Variants in TGM2 observed in about 807,000 individuals in gnomAD.
TGM2 encodes transglutaminase 2.
A neutral mutation model predicts 75.6 loss-of-function variants in TGM2; 53 were observed. The ratio of observed to expected loss-of-function variants is 0.70; its 90% CI spans 0.56 to 0.88. TGM2 has a LOEUF of 0.88. Among genes scored for constraint, TGM2 ranks in the 40% least tolerant of loss-of-function variants. The pLI, the probability that TGM2 is intolerant of heterozygous loss-of-function variation, is 0.00. For synonymous variants in TGM2, 374 were observed against 381.1 expected (o/e 0.98, Z 0.22); for missense variants, 842 against 928.5 (o/e 0.91, Z 1.21).
chr20:38,165,426 G>A, upstream of TGM2: 1 of 614,840 alleles, frequency 1.6e-6, no homozygotes, highest in Non-Finnish European at 2.8e-6. Context: ...GAGCCCGAGG[G>A]AGGGACGGCG....
Position 38,155,839 on chromosome 20 carries a change from TGGCTCACCTG to T in TGM2, c.431_433+7del. On this transcript the variant is annotated splice_donor_variant and splice_donor_5th_base_variant and coding_sequence_variant and intron_variant, in exon 3 of 13. Coordinates refer to ENST00000361475, the MANE Select transcript of TGM2 (RefSeq NM_004613.4). LOFTEE classifies it high-confidence loss of function. ...CCCAACGCTGTGAGTGGATGGCGTG[TGGCTCACCTG>T]GGCACCAGGCGTTGAAGAGCAAAAT... 1 of 1,594,826 alleles carries T rather than the reference TGGCTCACCTG, an allele frequency of 6.3e-7. No homozygotes were observed. The highest frequency in any genetic ancestry group is 8.5e-7 in the Non-Finnish European group (1 of 1,171,566).
Position 38,131,150 on chromosome 20 carries a change from C to G in TGM2, c.1856G>C (p.Gly619Ala), listed in dbSNP as rs371812638. Residue 619 changes from glycine (G) to alanine (A), a missense_variant, in exon 12 of 13, where the codon GGC becomes GCC. Transcript: ENST00000361475. ...LQNPLPVALEGCTFTVEGAGL... is the reference protein window; with the variant it reads ...LQNPLPVALEACTFTVEGAGL... Reference sequence around the variant, plus strand: ...GGCCCCCTCCACAGTGAAGGTGCAGCCTTCCAGGGCCACAGGGAGCGGGTT... The same window carrying G: ...GGCCCCCTCCACAGTGAAGGTGCAGGCTTCCAGGGCCACAGGGAGCGGGTT... 1.2e-6 allele frequency: 2 copies of G among 1,613,792 alleles called. No individual in the cohort carries two copies. Among genetic ancestry groups the G allele is most frequent in the East Asian group, 2.2e-5 (1 of 44,876 alleles).
chr20:38,138,519 T>C (rs1466694987), intron 9 of TGM2, 134 bp from the exon 10 acceptor site: 2 of 1,531,112 alleles, frequency 1.3e-6, no homozygotes, highest in Admixed American at 1.8e-5. Flanking sequence ...TCTACATTTC[T>C]GGGCCAGAAG....
chr20:38,156,191 CCA>C, intron 2 of TGM2, 102 bp from the exon 3 acceptor site: 3 of 1,379,472 alleles, frequency 2.2e-6, no homozygotes, highest in Non-Finnish European at 2.9e-6. Flanking sequence ...CCTAGTTCTG[CCA>C]CTAACCACTG....
rs2074943421 is a variant in TGM2 at position 38,139,520 on chromosome 20, C to T, written c.1234G>A (p.Val412Met). Residue 412 changes from valine (V) to methionine (M), a missense_variant, in exon 9 of 13, where the codon GTG becomes ATG. Coordinates refer to ENST00000361475, the MANE Select transcript of TGM2 (RefSeq NM_004613.4). ...VDWIQQDDGS[V>M]HKSINRSLIV... ...AGGGAACGGTTGATGGATTTGTGCA[C>T]AGACCCATCGTCCTGCTGGATCCAG... 1 of 1,614,110 alleles carries T rather than the reference C, an allele frequency of 6.2e-7. No homozygotes were observed. The highest frequency in any genetic ancestry group is 8.5e-7 in the Non-Finnish European group (1 of 1,180,046).
upstream of TGM2, chr20:38,166,410 G>A (rs902898174): frequency 2.0e-5 from 3 of 149,614 alleles, no homozygotes; most frequent in Admixed American, 2.0e-4. Flanking sequence ...AACTTTCCAG[G>A]GACTCAGCCT....
At chr20:38,136,748 A>ATGGGGCTGCTGGGTGGTGG (rs1482648500) in intron 10 of TGM2, among the ~76,000 whole-genome samples, 4 of 149,826 alleles carry the variant, frequency 2.7e-5, no homozygotes, top group Non-Finnish European at 5.9e-5. Flanking sequence ...AGAAAGTGGG[A>ATGGGGCTGCTGGGTGGTGG]TGGGGCTGCT....
chr20:38,156,069 C>T lies in TGM2; in HGVS notation c.211G>A (p.Ala71Thr), dbSNP rs2075183197. 5 of 1,613,470 alleles carry T rather than the reference C, an allele frequency of 3.1e-6. No individual in the cohort carries two copies. The highest frequency in any genetic ancestry group is 2.7e-5 in the African/African-American group (2 of 75,066). ...AGTGGAAAACGGGCCTTGGTCCCGG[C>T]CTCCTGGCTAGGGGCTGGGCCTGTG... Reference protein sequence around the residue: ...VVTGPAPSQEAGTKARFPLRD... With the variant: ...VVTGPAPSQETGTKARFPLRD... Residue 71 changes from alanine (A) to threonine (T), a missense_variant, in exon 3 of 13, where the codon GCC (alanine) becomes ACC (threonine). Physicochemically the swap from Ala to Thr is moderately conservative, Grantham distance 58 (BLOSUM62 0). Transcript: ENST00000361475.
chr20:38,138,755 C>T (rs552783612), intron 9 of TGM2, among the ~76,000 whole-genome samples: 1 of 152,298 alleles, frequency 6.6e-6, no homozygotes, highest in Admixed American at 6.5e-5. Context: ...ACAGTGCAAT[C>T]TTTCTTACCT....
intron 3 of TGM2, 23 bp downstream of exon 3, chr20:38,155,824 T>C (rs1199593465): frequency 6.3e-7 from 1 of 1,589,832 alleles, no homozygotes. Context: ...CCCAACGCTG[T>C]GAGTGGATGG....
intron 8 of TGM2, among the ~76,000 whole-genome samples, chr20:38,140,877 C>T: frequency 6.6e-6 from 1 of 152,060 alleles, no homozygotes; most frequent in East Asian, 1.9e-4. Flanking sequence ...CCTTAGTGTA[C>T]TCTCTCTTTC....
At chr20:38,132,033 C>T (rs2074840042) in intron 11 of TGM2, among the ~76,000 whole-genome samples, 1 of 152,036 alleles carries the variant, frequency 6.6e-6, no homozygotes, top group Admixed American at 6.5e-5. Flanking sequence ...CCTGCCCCAC[C>T]AGTGCCCAGT....
At chr20:38,150,802 C>T in intron 4 of TGM2, 137 bp downstream of exon 4, 1 of 790,526 alleles carries the variant, frequency 1.3e-6, no homozygotes, top group Non-Finnish European at 2.3e-6. Flanking sequence ...TGTTTCAGGG[C>T]CTTTGCATCC....
chr20:38,131,338 C>T (rs2074828613), intron 11 of TGM2, 109 bp from the exon 12 acceptor site: 1 of 1,482,338 alleles, frequency 6.7e-7, no homozygotes. Context: ...GTACCCAGGT[C>T]TGCCACGATC....
In TGM2 at chr20:38,131,117, G is replaced by C. The variant is rs777221718; in HGVS notation, c.1889C>G (p.Thr630Ser). 8 of 1,613,208 alleles carry C rather than the reference G, an allele frequency of 5.0e-6. No homozygotes were observed. The highest frequency in any genetic ancestry group is 5.9e-6 in the Non-Finnish European group (7 of 1,179,996). The change falls in exon 12 of 13, where the codon ACT (threonine) becomes AGT (serine). Residue 630 changes from threonine (T) to serine (S), a missense_variant. By Grantham distance (58) the Thr-to-Ser change is moderately conservative. Coordinates refer to ENST00000361475, the MANE Select transcript of TGM2 (RefSeq NM_004613.4). ...CTFTVEGAGL[T>S]EEQKTVEIPD... ...CATCTCCACCGTCTTCTGCTCCTCA[G>C]TCAGGCCGGCCCCCTCCACAGTGAA...
intron 10 of TGM2, chr20:38,137,893 C>T: frequency 1.3e-5 from 14 of 1,078,306 alleles, no homozygotes; most frequent in Non-Finnish European, 1.8e-5. Flanking sequence ...CCTCAGTCTA[C>T]TCATCTGGAA....
rs749955201 is a variant in TGM2 at position 38,161,609 on chromosome 20, CAGA to C, written c.11-13_11-11del. The stretch of plus-strand genomic sequence containing the variant: ...CTCTCTAAGACCAGCTCTATGGAAA[CAGA>C]AGGAGACGCATGAGCCTCGGGGGCA... On this transcript the variant is annotated splice_polypyrimidine_tract_variant and intron_variant, in intron 1 of 12. Transcript: ENST00000361475. The C allele has an allele frequency of 3.1e-6, 5 of 1,614,048 alleles. No individual in the cohort carries two copies. In the East Asian group the frequency reaches 8.9e-5, roughly 29 times the overall value.
intron 10 of TGM2, among the ~76,000 whole-genome samples, chr20:38,134,129 G>T (rs1463878377): frequency 1.3e-5 from 2 of 152,152 alleles, no homozygotes; most frequent in Admixed American, 1.3e-4. Context: ...TGAGACCCGA[G>T]GAGACAGTCA....
At chr20:38,159,678 A>T (rs2075231605) in intron 2 of TGM2, among the ~76,000 whole-genome samples, 1 of 152,218 alleles carries the variant, frequency 6.6e-6, no homozygotes, top group African/African-American at 2.4e-5. Flanking sequence ...GGACATAGGG[A>T]TGAAAAGCCT....
Sources: allele counts gnomAD v4.1 joint callset (sites outside exome capture counted in the v4.1 genomes callset), GRCh38; gene constraint gnomAD v4.1.1; transcripts MANE v1.5; gene names NCBI Gene and HGNC (gene_info 2026-07-23, HGNC 2026-07-21).